Variants in NHSL1 observed in about 807,000 individuals in gnomAD.
NHSL1 encodes NHS-like protein 1.
A neutral mutation model predicts 95.0 loss-of-function variants in NHSL1; 48 were observed. The ratio of observed to expected loss-of-function variants is 0.51; its 90% CI spans 0.40 to 0.64. The LOEUF is 0.64. Ranked by LOEUF, NHSL1 falls within the 30% of genes least tolerant of loss-of-function variation. NHSL1 has a pLI of 0.00. For synonymous variants in NHSL1, 783 were observed against 833.9 expected, an observed-to-expected ratio of 0.94 and a Z score of 1.05; for missense variants, 1,971 against 2,077.7, an observed-to-expected ratio of 0.95 and a Z score of 1.00.
At chr6:138,645,218 C>G (rs1167983396) in intron 1 of NHSL1, among the ~76,000 whole-genome samples, 1 of 152,170 alleles carries the variant, frequency 6.6e-6, no homozygotes, top group African/African-American at 2.4e-5. Context: ...TAAACACCAG[C>G]ATGATCTGAC....
intron 1 of NHSL1, among the ~76,000 whole-genome samples, chr6:138,540,865 T>C (rs1483351491): frequency 1.3e-5 from 2 of 152,174 alleles, no homozygotes; most frequent in African/African-American, 4.8e-5. Flanking sequence ...TCCATGAAAC[T>C]AGATTTCTAC....
At chr6:138,551,623 C>G (rs1783006511) in intron 1 of NHSL1, among the ~76,000 whole-genome samples, 2 of 152,148 alleles carry the variant, frequency 1.3e-5, no homozygotes, top group African/African-American at 4.8e-5. Context: ...GAGATTTAAT[C>G]TGGGTTTTTC....
At chr6:138,673,015 A>C (rs1378080321) in intron 1 of NHSL1, among the ~76,000 whole-genome samples, 1 of 113,218 alleles carries the variant, frequency 8.8e-6, no homozygotes, top group African/African-American at 3.4e-5. Context: ...TGTCTCATAG[A>C]TAGCTAGATA....
chr6:138,690,464 C>T (rs545155517), intron 1 of NHSL1, among the ~76,000 whole-genome samples: 3 of 151,798 alleles, frequency 2.0e-5, no homozygotes, highest in Admixed American at 6.6e-5. Flanking sequence ...AATGGGGCCA[C>T]GTGTGGTAGC....
chr6:138,692,208 C>G lies in NHSL1; in HGVS notation c.96+268G>C, dbSNP rs1460192768. 1 of 456,564 alleles carries G rather than the reference C, an allele frequency of 2.2e-6. No homozygotes were observed. The highest frequency in any genetic ancestry group is 4.4e-6 in the Non-Finnish European group (1 of 226,960). 28.3% of individuals were successfully genotyped at this position (456,564 alleles called of 1,614,324 possible). A position where few individuals can be genotyped will look rare whatever the true frequency, so the allele number is the denominator to read the frequency against. The stretch of plus-strand genomic sequence containing the variant: ...GACAGACACAGACAGACAGAAGGAG[C>G]AGACAAGGGGACTGTCCAATTCCCA... On this transcript the variant is annotated intron_variant, in intron 1 of 3. Transcript: ENST00000491526. This position sits in a 1 kb window ranked among gnomAD's most constrained non-coding sequence, Gnocchi z 4.0.
chr6:138,658,798 A>G (rs1279813657), intron 1 of NHSL1, among the ~76,000 whole-genome samples: 1 of 152,164 alleles, frequency 6.6e-6, no homozygotes, highest in Admixed American at 6.5e-5. Flanking sequence ...AAGTTAACAA[A>G]ATCCACTCTG....
chr6:138,564,458 G>A (rs1040171830), intron 1 of NHSL1, among the ~76,000 whole-genome samples: 1 of 152,090 alleles, frequency 6.6e-6, no homozygotes, highest in African/African-American at 2.4e-5. Flanking sequence ...TTGAGGCCAG[G>A]AGTTCAAGAC....
chr6:138,575,355 AG>A (rs897847576), upstream of NHSL1, among the ~76,000 whole-genome samples: 3 of 152,296 alleles, frequency 2.0e-5, no homozygotes, highest in African/African-American at 7.2e-5. Flanking sequence ...CTTCAAGGAA[AG>A]GGTTAACAGG....
chr6:138,681,701 T>TTAA (rs1290693498), intron 1 of NHSL1, among the ~76,000 whole-genome samples: 1 of 152,196 alleles, frequency 6.6e-6, no homozygotes, highest in African/African-American at 2.4e-5. Flanking sequence ...ATACCCTCAC[T>TTAA]TAATTCTATT....
At chr6:138,497,424 C>T (rs571357877) in intron 1 of NHSL1, among the ~76,000 whole-genome samples, 177 of 152,320 alleles carry the variant, frequency 1.2e-3, no homozygotes, top group African/African-American at 4.0e-3. Flanking sequence ...AGGAGCAAGT[C>T]TTCCTGACTC....
rs74431699 is a variant in NHSL1 at position 138,449,924 on chromosome 6, T to C, written c.340-2731A>G. Among the ~76,000 whole-genome samples, 1,499 of 152,306 alleles carry C rather than the reference T, an allele frequency of 9.8e-3. 36 individuals are homozygous for C. Among genetic ancestry groups the C allele is most frequent in the African/African-American group, 0.035 (1,434 of 41,564 alleles). ...TCCACCTAAGGAAAATGTGAAATAA[T>C]GTTTTAATTAAATTGACAAATATAC... On this transcript the variant is annotated intron_variant, in intron 3 of 7. Transcript: ENST00000343505.
At position 138,428,837 on chromosome 6, in the gene NHSL1, C is replaced by A. The variant is rs540139213; in HGVS notation, c.4085+874G>T. Among the ~76,000 whole-genome samples, 3 of 152,250 alleles carry A rather than the reference C, an allele frequency of 2.0e-5. No homozygotes were observed. The South Asian group carries it at 6.2e-4, about 32-fold the overall frequency. ...CATTCAGGGCAAAATAAGGCCTTGG[C>A]AGCATAAGGACATTCATTAGAGTTA... On this transcript the variant is annotated intron_variant, in intron 7 of 7. Transcript: ENST00000343505.
In NHSL1 at chr6:138,565,355, C is replaced by T. The variant is rs537848511; in HGVS notation, c.202+6355G>A. ...CCCCTGAGTTCAAATGTTCCTCCCACCTCGGCCTCCCCAGGTGCTGGGATT... is the reference window on the plus strand; with the variant it reads ...CCCCTGAGTTCAAATGTTCCTCCCATCTCGGCCTCCCCAGGTGCTGGGATT... On this transcript the variant is annotated intron_variant, in intron 1 of 6. Coordinates refer to the NHSL1 transcript ENST00000427025. Among the ~76,000 whole-genome samples, 4 of 152,300 alleles carry T rather than the reference C, an allele frequency of 2.6e-5. No homozygotes were observed. In the South Asian group the frequency reaches 6.2e-4, roughly 24 times the overall value.
chr6:138,449,675 C>CAAAAAAAAAA (rs879337477), intron 3 of NHSL1, among the ~76,000 whole-genome samples: 1 of 116,860 alleles, frequency 8.6e-6, no homozygotes, highest in Non-Finnish European at 1.8e-5. Flanking sequence ...GACTCTGTCT[C>CAAAAAAAAAA]AAAAAAAAAA....
Position 138,585,745 on chromosome 6 carries a change from A to G in NHSL1, c.97-89374T>C, listed in dbSNP as rs538154315. On this transcript the variant is annotated intron_variant, in intron 1 of 3. Coordinates refer to the NHSL1 transcript ENST00000491526. ...AAATGCTTAGTTAAAAGTGAGTTAC[A>G]TTTCAAAATAGGGGGAAAAGGCAAG... Among the ~76,000 whole-genome samples the G allele has an allele frequency of 2.5e-4, 38 of 152,218 alleles. 1 individual carries two copies. The South Asian group carries it at 6.8e-3, about 27-fold the overall frequency.
chr6:138,455,149 A>G lies in NHSL1; in HGVS notation c.340-7956T>C, dbSNP rs115756254. Among the ~76,000 whole-genome samples the G allele has an allele frequency of 3.7e-3, 559 of 152,386 alleles. 3 individuals are homozygous for G. Among genetic ancestry groups the G allele is most frequent in the African/African-American group, 0.013 (536 of 41,594 alleles). Reference sequence around the variant, plus strand: ...TAAGAAGGTGCCATAACTGCAGAGCAGTGAGCATTGACTCATTTGTGTTTC... The same window carrying G: ...TAAGAAGGTGCCATAACTGCAGAGCGGTGAGCATTGACTCATTTGTGTTTC... On this transcript the variant is annotated intron_variant, in intron 3 of 7. Coordinates refer to ENST00000343505, the MANE Select transcript of NHSL1 (RefSeq NM_001144060.2).
At chr6:138,433,926 T>C (rs1323405004) in intron 5 of NHSL1, among the ~76,000 whole-genome samples, 1 of 152,208 alleles carries the variant, frequency 6.6e-6, no homozygotes, top group Non-Finnish European at 1.5e-5. Context: ...GTGCTGCGTA[T>C]GGAATTCTCA....
intron 1 of NHSL1, among the ~76,000 whole-genome samples, chr6:138,604,650 C>T (rs1460561280): frequency 2.0e-5 from 3 of 152,074 alleles, no homozygotes; most frequent in African/African-American, 7.2e-5. Context: ...TTTTTTGAGA[C>T]AGTCTCACAC....
chr6:138,629,661 G>A (rs2114654039), intron 1 of NHSL1, among the ~76,000 whole-genome samples: 1 of 152,334 alleles, frequency 6.6e-6, no homozygotes, highest in South Asian at 2.1e-4. Context: ...GCGATTACAG[G>A]CGTGAGCCAC....
Sources: gnomAD v4.1 joint callset for allele counts (sites outside exome capture counted in the v4.1 genomes callset) on GRCh38, gnomAD v4.1.1 for gene constraint, Gnocchi (gnomAD v3.1) non-coding constraint, MANE v1.5 for transcripts, NCBI Gene and HGNC (gene_info 2026-07-23, HGNC 2026-07-21) for gene names.